FTCDNL1: variants seen among roughly 807,000 people sequenced by gnomAD.
FTCDNL1 encodes the protein formiminotransferase N-terminal subdomain-containing protein.
Under a neutral mutation model 5.9 loss-of-function variants are expected in FTCDNL1, and 11 were observed. The observed-to-expected ratio is 1.87, with a 90% CI of 1.18 to 3.10. The LOEUF (loss-of-function observed/expected upper bound fraction) is 3.10. Among genes scored for constraint, FTCDNL1 ranks in the 30% most tolerant of loss-of-function variants. The pLI is 0.00. For synonymous variants in FTCDNL1, 58 were observed against 24.8 expected, an observed-to-expected ratio of 2.34 and a Z score of -3.99; for missense variants, 115 against 65.5, an observed-to-expected ratio of 1.76 and a Z score of -2.61.
chr2:199,675,075 T>C, the FTCDNL1 span, among the ~76,000 whole-genome samples: 1 of 152,172 alleles, frequency 6.6e-6, no homozygotes, highest in Admixed American at 6.5e-5. Flanking sequence ...TTGGAACAAT[T>C]TTCCATCTAT....
the FTCDNL1 span, among the ~76,000 whole-genome samples, chr2:199,673,093 C>T: frequency 1.8e-4 from 28 of 151,984 alleles, no homozygotes; most frequent in Non-Finnish European, 2.8e-4. Flanking sequence ...TTCGGGAGGC[C>T]GAGGTGGGAA....
At chr2:199,778,761 A>T (rs908026276) in intron 3 of FTCDNL1, among the ~76,000 whole-genome samples, 12 of 152,170 alleles carry the variant, frequency 7.9e-5, no homozygotes, top group Admixed American at 5.2e-4. Context: ...TTCTCAGGAT[A>T]TTTTTTCCCT....
the FTCDNL1 span, among the ~76,000 whole-genome samples, chr2:199,748,917 C>T: frequency 6.6e-6 from 1 of 152,148 alleles, no homozygotes; most frequent in Non-Finnish European, 1.5e-5. Flanking sequence ...ACCTCTCCTG[C>T]TCCCCATTGC....
At chr2:199,773,487 T>A (rs1302606614) in intron 3 of FTCDNL1, among the ~76,000 whole-genome samples, 1 of 152,138 alleles carries the variant, frequency 6.6e-6, no homozygotes, top group East Asian at 1.9e-4. Flanking sequence ...TAGGTCCCTT[T>A]GGGGAAAATC....
intron 3 of FTCDNL1, among the ~76,000 whole-genome samples, chr2:199,798,722 G>A (rs895280914): frequency 8.5e-5 from 13 of 152,128 alleles, no homozygotes; most frequent in Admixed American, 5.9e-4. Context: ...AAACCACTTG[G>A]TGACAAGACA....
In FTCDNL1 at chr2:199,790,055, G is replaced by A. The variant is rs114690297; in HGVS notation, c.212-29220C>T. On this transcript the variant is annotated intron_variant, in intron 3 of 3. Transcript: ENST00000416668. ...GTCATTTTGATTAGAATTTTGACAA[G>A]GTTTTTGCTTTTATGAAAGCAAAGA... is the stretch of plus-strand genomic sequence containing the variant. 6.4e-3 allele frequency among the ~76,000 whole-genome samples: 981 copies of A among 152,170 alleles called. 12 individuals are homozygous for A. Among genetic ancestry groups the A allele is most frequent in the African/African-American group, 0.022 (925 of 41,534 alleles).
At chr2:199,843,952 GAA>G (rs11363915) in intron 3 of FTCDNL1, among the ~76,000 whole-genome samples, 6 of 148,116 alleles carry the variant, frequency 4.1e-5, no homozygotes, top group South Asian at 2.1e-4. Flanking sequence ...GGGAAAAAAG[GAA>G]AAAAAAAAAG....
chr2:199,735,918 G>A, the FTCDNL1 span, among the ~76,000 whole-genome samples: 4 of 152,134 alleles, frequency 2.6e-5, no homozygotes, highest in Non-Finnish European at 5.9e-5. Context: ...TACGACAGCG[G>A]ACAAATCTAT....
chr2:199,801,497 T>TA (rs1265499283), intron 3 of FTCDNL1, among the ~76,000 whole-genome samples: 5 of 151,018 alleles, frequency 3.3e-5, no homozygotes, highest in Non-Finnish European at 7.4e-5. Context: ...AAATAAAAAG[T>TA]AAAAAAAATA....
At chr2:199,709,545 T>C in the FTCDNL1 span, among the ~76,000 whole-genome samples, 1 of 152,226 alleles carries the variant, frequency 6.6e-6, no homozygotes, top group South Asian at 2.1e-4. Context: ...GAATTGCGTA[T>C]GGAGTAGGAG....
intron 4 of FTCDNL1, among the ~76,000 whole-genome samples, chr2:199,816,051 TA>T (rs1318346295): frequency 1.3e-5 from 2 of 152,138 alleles, no homozygotes; most frequent in East Asian, 1.9e-4. Flanking sequence ...CTTTCTGGAT[TA>T]TTTTTTAAGG....
At chr2:199,683,378 T>A in the FTCDNL1 span, among the ~76,000 whole-genome samples, 1 of 152,134 alleles carries the variant, frequency 6.6e-6, no homozygotes, top group Non-Finnish European at 1.5e-5. Flanking sequence ...TGCTACAAAG[T>A]GAATTAATGT....
At chr2:199,740,855 A>G in the FTCDNL1 span, among the ~76,000 whole-genome samples, 5 of 152,180 alleles carry the variant, frequency 3.3e-5, no homozygotes, top group African/African-American at 1.2e-4. Flanking sequence ...ACACAAATTG[A>G]GCACATGCCC....
chr2:199,808,870 A>C (rs917904237), downstream of FTCDNL1, among the ~76,000 whole-genome samples: 1 of 152,226 alleles, frequency 6.6e-6, no homozygotes, highest in Non-Finnish European at 1.5e-5. Context: ...TTATGGCTAC[A>C]TGAAAAATAA....
chr2:199,795,323 G>C, intron 3 of FTCDNL1, among the ~76,000 whole-genome samples: 1 of 152,138 alleles, frequency 6.6e-6, no homozygotes, highest in East Asian at 1.9e-4. Context: ...AGTTATTGCA[G>C]GTTTCTTCCA....
chr2:199,821,464 T>TTTTG (rs1485593827), intron 3 of FTCDNL1, among the ~76,000 whole-genome samples: 1 of 137,466 alleles, frequency 7.3e-6, no homozygotes, highest in South Asian at 2.3e-4. Flanking sequence ...CAGCCTGGTT[T>TTTTG]TTTGTTTGTT....
chr2:199,838,990 A>G (rs1027164113), intron 3 of FTCDNL1, among the ~76,000 whole-genome samples: 1 of 152,174 alleles, frequency 6.6e-6, no homozygotes, highest in East Asian at 1.9e-4. Flanking sequence ...ACAGCTCAAG[A>G]GGAAAGACCA....
At chr2:199,728,914 G>A in the FTCDNL1 span, among the ~76,000 whole-genome samples, 2 of 152,162 alleles carry the variant, frequency 1.3e-5, no homozygotes, top group African/African-American at 2.4e-5. Context: ...TTAGGCTAAC[G>A]GCTAAAAGTG....
chr2:199,764,280 C>A (rs1272199998), intron 3 of FTCDNL1, among the ~76,000 whole-genome samples: 2 of 152,184 alleles, frequency 1.3e-5, no homozygotes, highest in Admixed American at 6.5e-5. Context: ...TTAATACTCA[C>A]AAGGCAAGCA....
Sources: allele counts gnomAD v4.1 joint callset (sites outside exome capture counted in the v4.1 genomes callset), GRCh38; gene constraint gnomAD v4.1.1; transcripts MANE v1.5; gene names NCBI Gene and HGNC (gene_info 2026-07-23, HGNC 2026-07-21).